The following PDE1C variants were observed in gnomAD, a reference collection of about 807,000 sequenced individuals.
PDE1C encodes phosphodiesterase 1C.
PDE1C carries 62 observed loss-of-function variants against 93.1 expected under a neutral mutation model. The ratio of observed to expected loss-of-function variants is 0.67; its 90% CI spans 0.54 to 0.82. PDE1C has a LOEUF of 0.82. Among genes scored for constraint, PDE1C ranks in the 40% least tolerant of loss-of-function variants. The pLI is 0.00. For missense variants in PDE1C, 742 were observed against 884.6 expected, an observed-to-expected ratio of 0.84 and a Z score of 2.04; for synonymous variants, 325 against 310.1, an observed-to-expected ratio of 1.05 and a Z score of -0.50.
intron 5 of PDE1C, among the ~76,000 whole-genome samples, chr7:31,874,027 A>G (rs1796249413): frequency 6.6e-6 from 1 of 152,226 alleles, no homozygotes; most frequent in South Asian, 2.1e-4. Flanking sequence ...ACAATATGCC[A>G]CATCAATCGA....
chr7:31,681,378 TG>T, the PDE1C span, among the ~76,000 whole-genome samples: 1 of 135,228 alleles, frequency 7.4e-6, no homozygotes, highest in African/African-American at 3.5e-5. Flanking sequence ...GACGGATGGA[TG>T]GATGGATGGA....
chr7:32,245,668 G>A (rs545472712), intron 1 of PDE1C, among the ~76,000 whole-genome samples: 3 of 152,250 alleles, frequency 2.0e-5, no homozygotes, highest in Admixed American at 2.0e-4. Context: ...CATAAACTAG[G>A]TGTCTCACAA....
chr7:31,968,490 C>G (rs1053847261), intron 2 of PDE1C, among the ~76,000 whole-genome samples: 1 of 152,058 alleles, frequency 6.6e-6, no homozygotes, highest in African/African-American at 2.4e-5. Context: ...ACATTCCATG[C>G]TCATGGGTAG....
At chr7:32,348,709 C>T (rs1211028776) in intron 1 of PDE1C, among the ~76,000 whole-genome samples, 1 of 152,120 alleles carries the variant, frequency 6.6e-6, no homozygotes, top group African/African-American at 2.4e-5. Context: ...ATAGACTCAG[C>T]TTCATTTTCT....
intron 1 of PDE1C, among the ~76,000 whole-genome samples, chr7:32,357,836 T>C (rs4723146): frequency 0.16 from 23,943 of 152,200 alleles, 2,000 homozygotes; most frequent in East Asian, 0.26. Context: ...GGCATTTTCC[T>C]GGGGTTTAGA....
chr7:31,763,757 G>A (rs538451827), intron 17 of PDE1C, among the ~76,000 whole-genome samples: 1 of 152,228 alleles, frequency 6.6e-6, no homozygotes, highest in East Asian at 1.9e-4. Flanking sequence ...CATCATTGCT[G>A]CCTCGTGATA....
intron 1 of PDE1C, among the ~76,000 whole-genome samples, chr7:32,307,583 T>G (rs529362638): frequency 6.7e-6 from 1 of 150,262 alleles, no homozygotes; most frequent in Non-Finnish European, 1.5e-5. Flanking sequence ...GACCACCAAC[T>G]TACTAGATGG....
At chr7:31,641,713 T>C in the PDE1C span, among the ~76,000 whole-genome samples, 6 of 152,258 alleles carry the variant, frequency 3.9e-5, no homozygotes, top group East Asian at 1.2e-3. Flanking sequence ...AAACTTGTAG[T>C]CATAGAAATA....
chr7:32,321,874 A>C (rs190459159), intron 1 of PDE1C, among the ~76,000 whole-genome samples: 2 of 152,320 alleles, frequency 1.3e-5, no homozygotes, highest in East Asian at 3.9e-4. Context: ...AATCCAGCCC[A>C]CAAAGATCAC....
the PDE1C span, chr7:31,658,166 C>A: frequency 2.7e-5 from 26 of 964,466 alleles, no homozygotes; most frequent in East Asian, 6.8e-4. Context: ...TATGCATAGG[C>A]CATGTAGATT....
chr7:32,119,309 G>A (rs1233403534), intron 3 of PDE1C, among the ~76,000 whole-genome samples: 4 of 152,142 alleles, frequency 2.6e-5, no homozygotes, highest in Non-Finnish European at 5.9e-5. Context: ...TTACGCCAAG[G>A]TCTTAACTAC....
the PDE1C span, among the ~76,000 whole-genome samples, chr7:31,658,916 C>G: frequency 6.6e-6 from 1 of 152,140 alleles, no homozygotes; most frequent in Non-Finnish European, 1.5e-5. Flanking sequence ...AGAGCCAAAC[C>G]TTATCTTATT....
In PDE1C at chr7:32,296,156, A is replaced by G. The variant is rs186725349; in HGVS notation, c.85+2495T>C. On this transcript the variant is annotated intron_variant, in intron 1 of 18. Coordinates refer to the PDE1C transcript ENST00000396193. ...AAATATTAATATTTAGCATTGGATG[A>G]TAAAATGACAGTTGATTTTCTTTCT... 2.9e-4 allele frequency among the ~76,000 whole-genome samples: 44 copies of G among 152,356 alleles called. 1 individual carries two copies. The Middle Eastern group carries it at 0.01, about 35-fold the overall frequency.
chr7:31,857,231 T>C (rs1403102683), intron 7 of PDE1C, among the ~76,000 whole-genome samples: 1 of 152,166 alleles, frequency 6.6e-6, no homozygotes, highest in Non-Finnish European at 1.5e-5. Context: ...AGATTTATCT[T>C]CCTTAAAATA....
At chr7:31,775,762 A>T (rs752896437) in intron 16 of PDE1C, 30 bp from the exon 17 acceptor site, 17 of 1,591,596 alleles carry the variant, frequency 1.1e-5, no homozygotes, top group Non-Finnish European at 1.3e-5. Context: ...GATAAGGAAA[A>T]GTAGGATTGT....
At chr7:32,233,547 A>G in intron 1 of PDE1C, among the ~76,000 whole-genome samples, 2 of 152,140 alleles carry the variant, frequency 1.3e-5, no homozygotes, top group Non-Finnish European at 2.9e-5. Context: ...TTACTATCAG[A>G]CAAAGTCAAC....
chr7:32,225,099 C>T (rs867135464), intron 1 of PDE1C, among the ~76,000 whole-genome samples: 12 of 151,780 alleles, frequency 7.9e-5, no homozygotes, highest in African/African-American at 2.7e-4. Flanking sequence ...TATGGGCAAA[C>T]CTATCGTTGT....
intron 3 of PDE1C, among the ~76,000 whole-genome samples, chr7:32,128,692 C>T (rs147338348): frequency 0.018 from 2,679 of 151,156 alleles, 30 homozygotes; most frequent in Non-Finnish European, 0.026. Context: ...ACAACGTAAA[C>T]GGGTATCACA....
At chr7:32,400,544 A>C (rs1457190120) in intron 1 of PDE1C, among the ~76,000 whole-genome samples, 2 of 152,242 alleles carry the variant, frequency 1.3e-5, no homozygotes, top group East Asian at 3.8e-4. Context: ...TGAGGAAACC[A>C]GTTTAATTTC....
Sources: allele counts gnomAD v4.1 joint callset (sites outside exome capture counted in the v4.1 genomes callset), GRCh38; gene constraint gnomAD v4.1.1; transcripts MANE v1.5; gene names NCBI Gene and HGNC (gene_info 2026-07-23, HGNC 2026-07-21).